Variants in SLC39A11 observed in about 807,000 individuals in gnomAD.
SLC39A11 encodes zinc transporter ZIP11.
SLC39A11 carries 33 observed loss-of-function variants against 36.1 expected under a neutral mutation model. That is an observed-to-expected ratio of 0.91 (90% CI 0.69 to 1.22). The LOEUF is 1.22. SLC39A11 is among the 50% of genes most tolerant of loss of function. The pLI, the probability that SLC39A11 is intolerant of heterozygous loss-of-function variation, is 0.00. For synonymous variants in SLC39A11, 166 were observed against 170.3 expected (o/e 0.97, Z 0.20); for missense variants, 432 against 430.3 (o/e 1.00, Z -0.03).
chr17:72,928,367 C>T (rs2084178445), intron 5 of SLC39A11, among the ~76,000 whole-genome samples: 1 of 152,198 alleles, frequency 6.6e-6, no homozygotes, highest in Non-Finnish European at 1.5e-5. Context: ...AACCATGAAT[C>T]CTGGTAGTAC....
intron 4 of SLC39A11, among the ~76,000 whole-genome samples, chr17:72,981,592 T>C (rs933548810): frequency 1.1e-4 from 4 of 35,030 alleles, no homozygotes; most frequent in Non-Finnish European, 2.0e-4. Context: ...AATATTTAAA[T>C]GCAAAAAAAA....
intron 7 of SLC39A11, among the ~76,000 whole-genome samples, chr17:72,721,192 G>A (rs2073660184): frequency 6.6e-6 from 1 of 151,468 alleles, no homozygotes; most frequent in African/African-American, 2.4e-5. Context: ...TGCCTGCTGG[G>A]TTCAAGCGAT....
intron 6 of SLC39A11, among the ~76,000 whole-genome samples, chr17:72,752,385 C>T (rs749815177): frequency 5.9e-5 from 9 of 152,038 alleles, no homozygotes; most frequent in African/African-American, 2.2e-4. Flanking sequence ...GCTGGGATTA[C>T]AGGCACGCAC....
At chr17:73,012,148 C>T (rs1035665880) in intron 4 of SLC39A11, among the ~76,000 whole-genome samples, 6 of 151,782 alleles carry the variant, frequency 4.0e-5, no homozygotes, top group Non-Finnish European at 7.4e-5. Flanking sequence ...TGGTGGCAGG[C>T]GCCTGTAGTC....
chr17:72,822,603 G>GC (rs1192868557), intron 6 of SLC39A11, among the ~76,000 whole-genome samples: 1 of 151,206 alleles, frequency 6.6e-6, no homozygotes, highest in African/African-American at 2.4e-5. Flanking sequence ...CACACTCTAT[G>GC]CCCCTGGTCA....
chr17:72,715,717 G>T (rs115959789), intron 7 of SLC39A11, among the ~76,000 whole-genome samples: 5,269 of 151,790 alleles, frequency 0.035, 302 homozygotes, highest in African/African-American at 0.12. Context: ...TTTTATTTTT[G>T]ATTTTTGGTG....
intron 2 of SLC39A11, among the ~76,000 whole-genome samples, chr17:73,088,171 G>A (rs1371362483): frequency 2.0e-5 from 3 of 152,076 alleles, no homozygotes; most frequent in Non-Finnish European, 4.4e-5. Context: ...GCACATGCCT[G>A]TAATCCCAGC....
chr17:72,794,312 G>A (rs1161356876), intron 6 of SLC39A11, among the ~76,000 whole-genome samples: 3 of 152,114 alleles, frequency 2.0e-5, no homozygotes, highest in South Asian at 4.1e-4. Context: ...AAGCCTTGGA[G>A]AATACAGCAG....
At chr17:72,755,168 G>A (rs888763409) in intron 6 of SLC39A11, among the ~76,000 whole-genome samples, 11 of 152,210 alleles carry the variant, frequency 7.2e-5, no homozygotes, top group Admixed American at 5.2e-4. Flanking sequence ...GTTTGAACCC[G>A]GCTTTCAAAC....
At chr17:72,899,783 G>A (rs1296916905) in intron 5 of SLC39A11, among the ~76,000 whole-genome samples, 2 of 152,052 alleles carry the variant, frequency 1.3e-5, no homozygotes, top group African/African-American at 2.4e-5. Context: ...CCAAAATGGC[G>A]AAACCCCGTC....
rs758833644 is a variant in SLC39A11 at position 73,084,856 on chromosome 17, A to T, written c.109-10T>A. 5 of 1,614,058 alleles carry T rather than the reference A, an allele frequency of 3.1e-6. No homozygotes were observed. The Admixed American group carries it at 8.3e-5, about 27-fold the overall frequency. ...CATCTAAGATCCGCCTCTGAAAATC[A>T]AAACAAGATGTTTCAGTTTCCAAGA... On this transcript the variant is annotated splice_polypyrimidine_tract_variant and intron_variant, in intron 2 of 9. Coordinates refer to ENST00000255559, the MANE Select transcript of SLC39A11 (RefSeq NM_139177.4).
At chr17:72,939,737 G>A (rs1248329505) in intron 5 of SLC39A11, among the ~76,000 whole-genome samples, 1 of 152,136 alleles carries the variant, frequency 6.6e-6, no homozygotes, top group Non-Finnish European at 1.5e-5. Flanking sequence ...AGAGAGTGTG[G>A]CCCTGCTGAC....
intron 6 of SLC39A11, among the ~76,000 whole-genome samples, chr17:72,813,866 G>A (rs991901415): frequency 1.3e-5 from 2 of 152,202 alleles, no homozygotes; most frequent in Non-Finnish European, 2.9e-5. Flanking sequence ...GAAGGCTAGA[G>A]TCTACCTCCG....
Position 73,031,638 on chromosome 17 carries a change from G to A in SLC39A11, c.224C>T (p.Ala75Val), listed in dbSNP as rs374330314. Residue 75 changes from alanine to valine, a missense_variant, in exon 4 of 10, where the codon GCC (alanine) becomes GTC (valine). By Grantham distance (64) the Ala-to-Val change is moderately conservative. Transcript: ENST00000255559. ...AACAGCCACAGGGAAGAAGGCAAAG[G>A]CACCGAAGCCCCCAGAGGACGTGGC... ...EMATSSGGFG[A>V]FAFFPVAVGF... 22 of 1,614,070 alleles carry A rather than the reference G, an allele frequency of 1.4e-5. No homozygotes were observed. Among genetic ancestry groups the A allele is most frequent in the Non-Finnish European group, 1.9e-5 (22 of 1,180,054 alleles).
intron 7 of SLC39A11, among the ~76,000 whole-genome samples, chr17:72,650,448 C>T (rs147658451): frequency 6.6e-6 from 1 of 152,272 alleles, no homozygotes; most frequent in Non-Finnish European, 1.5e-5. Context: ...CTGCAAACTA[C>T]AGCAAATCAG....
At chr17:72,905,844 C>T (rs1204927921) in intron 5 of SLC39A11, among the ~76,000 whole-genome samples, 1 of 152,078 alleles carries the variant, frequency 6.6e-6, no homozygotes, top group Non-Finnish European at 1.5e-5. Context: ...AGCTCCGCCT[C>T]CCGGGTTCAC....
chr17:73,026,531 A>AAAAGAAAG (rs1555683319), intron 4 of SLC39A11, among the ~76,000 whole-genome samples: 1 of 150,316 alleles, frequency 6.7e-6, no homozygotes, highest in African/African-American at 2.5e-5. Context: ...AAAAAAAAAA[A>AAAAGAAAG]AAAGAAAGAA....
At chr17:72,745,057 G>C (rs936137093) in intron 6 of SLC39A11, among the ~76,000 whole-genome samples, 4 of 152,122 alleles carry the variant, frequency 2.6e-5, no homozygotes, top group African/African-American at 9.7e-5. Flanking sequence ...GGCCAGGCTG[G>C]TCTTGAACTC....
chr17:72,740,663 A>T (rs192128518), intron 6 of SLC39A11, among the ~76,000 whole-genome samples: 182 of 152,374 alleles, frequency 1.2e-3, no homozygotes, highest in African/African-American at 3.1e-3. Context: ...AAACATGACG[A>T]AAACTACGTA....
Sources: gnomAD v4.1 joint callset for allele counts (sites outside exome capture counted in the v4.1 genomes callset) on GRCh38, gnomAD v4.1.1 for gene constraint, MANE v1.5 for transcripts, NCBI Gene and HGNC (gene_info 2026-07-23, HGNC 2026-07-21) for gene names.